SAMMSON: variants seen among roughly 807,000 people sequenced by gnomAD.
SAMMSON encodes survival associated mitochondrial melanoma specific oncogenic non-coding RNA.
At chr3:70,344,220 T>C (rs1313257970) in intron 7 of SAMMSON, among the ~76,000 whole-genome samples, 1 of 151,962 alleles carries the variant, frequency 6.6e-6, no homozygotes, top group Non-Finnish European at 1.5e-5. Context: ...CACCTCCCTA[T>C]CCCATACCTG....
chr3:70,372,987 C>T (rs1702984085), intron 9 of SAMMSON, among the ~76,000 whole-genome samples: 1 of 152,110 alleles, frequency 6.6e-6, no homozygotes, highest in African/African-American at 2.4e-5. Context: ...TTTAAAACTT[C>T]ATTAAACAAT....
intron 7 of SAMMSON, among the ~76,000 whole-genome samples, chr3:70,353,814 A>T (rs1284831154): frequency 6.6e-6 from 1 of 152,226 alleles, no homozygotes; most frequent in Non-Finnish European, 1.5e-5. Flanking sequence ...AACTGAAGAC[A>T]ACTCAGATGT....
At chr3:70,055,335 G>T (rs186482658) in intron 3 of SAMMSON, among the ~76,000 whole-genome samples, 4 of 152,254 alleles carry the variant, frequency 2.6e-5, no homozygotes, top group Admixed American at 1.3e-4. Flanking sequence ...TACTAGAGTT[G>T]TCTCTGATCC....
intron 2 of SAMMSON, among the ~76,000 whole-genome samples, chr3:70,399,923 T>TGGGCAAATACTGAA (rs1701125807): frequency 3.1e-4 from 47 of 151,784 alleles, no homozygotes; most frequent in African/African-American, 1.1e-3. Context: ...CAAAAATACT[T>TGGGCAAATACTGAA]TTGTGTATAT....
intron 4 of SAMMSON, among the ~76,000 whole-genome samples, chr3:70,191,301 A>G (rs1332260309): frequency 6.6e-6 from 1 of 152,182 alleles, no homozygotes; most frequent in Admixed American, 6.5e-5. Flanking sequence ...ATAGCTTTTG[A>G]GATAAAAGGT....
chr3:70,275,408 G>C (rs1208480643), intron 6 of SAMMSON, among the ~76,000 whole-genome samples: 1 of 152,140 alleles, frequency 6.6e-6, no homozygotes, highest in Non-Finnish European at 1.5e-5. Context: ...CCAGCTACTA[G>C]GGAGGCTGAG....
At chr3:70,318,910 C>T (rs1702515794) in intron 7 of SAMMSON, among the ~76,000 whole-genome samples, 1 of 151,904 alleles carries the variant, frequency 6.6e-6, no homozygotes, top group Non-Finnish European at 1.5e-5. Flanking sequence ...GTAATTGTGT[C>T]CAAGGCATGT....
At chr3:70,344,654 C>T (rs1028243206) in intron 7 of SAMMSON, among the ~76,000 whole-genome samples, 49 of 152,184 alleles carry the variant, frequency 3.2e-4, no homozygotes, top group African/African-American at 1.2e-3. Context: ...TCACAGACAC[C>T]CACCTCTGGA....
chr3:70,395,904 G>C (rs1302394143), intron 2 of SAMMSON, among the ~76,000 whole-genome samples: 1 of 152,132 alleles, frequency 6.6e-6, no homozygotes, highest in Non-Finnish European at 1.5e-5. Context: ...ACCTGGGTCT[G>C]AACCTCAGCT....
intron 7 of SAMMSON, among the ~76,000 whole-genome samples, chr3:70,298,204 T>C (rs997985061): frequency 1.3e-5 from 2 of 152,176 alleles, no homozygotes; most frequent in African/African-American, 4.8e-5. Context: ...TTATTAGCCA[T>C]GCAAAAATAT....
rs561081432 is a variant in SAMMSON at position 70,058,470 on chromosome 3, A to G, written n.418-13006A>G. Among the ~76,000 whole-genome samples, 26 of 152,144 alleles carry G rather than the reference A, an allele frequency of 1.7e-4. No individual in the cohort carries two copies. The South Asian group carries it at 5.2e-3, about 30-fold the overall frequency. ...AAAGGGGTTTCATGAAGCTATGGGG[A>G]AAATTTCAGGTTTATATACTTTGAA... On this transcript the variant is annotated intron_variant and non_coding_transcript_variant, in intron 3 of 9. Coordinates refer to ENST00000642114, the Ensembl canonical transcript of SAMMSON.
chr3:70,187,227 T>A (rs892457042), intron 4 of SAMMSON, among the ~76,000 whole-genome samples: 2 of 152,174 alleles, frequency 1.3e-5, no homozygotes, highest in Non-Finnish European at 2.9e-5. Flanking sequence ...GGTGCCAATT[T>A]CATTAAAGGG....
intron 4 of SAMMSON, among the ~76,000 whole-genome samples, chr3:70,191,577 G>T (rs562593120): frequency 2.0e-5 from 3 of 152,150 alleles, no homozygotes; most frequent in Admixed American, 6.5e-5. Context: ...TACTTATTGG[G>T]TACGTATCTT....
At chr3:70,033,039 A>C (rs2067071610) in intron 3 of SAMMSON, among the ~76,000 whole-genome samples, 1 of 152,114 alleles carries the variant, frequency 6.6e-6, no homozygotes, top group African/African-American at 2.4e-5. Context: ...TGAGGCATCA[A>C]GATCTGGAAG....
At chr3:70,013,267 T>G (rs1210511178) in intron 2 of SAMMSON, among the ~76,000 whole-genome samples, 1 of 152,140 alleles carries the variant, frequency 6.6e-6, no homozygotes, top group African/African-American at 2.4e-5. Flanking sequence ...TTTTAAAGCC[T>G]GAATGAGTTT....
At chr3:70,163,979 T>C (rs1292578151) in intron 4 of SAMMSON, among the ~76,000 whole-genome samples, 1 of 152,066 alleles carries the variant, frequency 6.6e-6, no homozygotes, top group Non-Finnish European at 1.5e-5. Flanking sequence ...TGAACCCTAT[T>C]TTTAAGGGCA....
intron 9 of SAMMSON, among the ~76,000 whole-genome samples, chr3:70,380,529 T>C (rs1255876389): frequency 2.6e-5 from 4 of 152,192 alleles, no homozygotes; most frequent in African/African-American, 9.7e-5. Flanking sequence ...ACCATTATTT[T>C]CTTTTTTTTC....
At chr3:70,252,904 A>C (rs796202180) in intron 6 of SAMMSON, among the ~76,000 whole-genome samples, 28 of 151,952 alleles carry the variant, frequency 1.8e-4, no homozygotes, top group African/African-American at 6.5e-4. Context: ...ACATCGTGAA[A>C]CCCCCTCTCT....
At chr3:70,414,687 G>A (rs868452087) in intron 2 of SAMMSON, among the ~76,000 whole-genome samples, 124 of 152,238 alleles carry the variant, frequency 8.1e-4, no homozygotes, top group African/African-American at 2.8e-3. Flanking sequence ...GTTAGATCAC[G>A]TAATCTTTCT....
Sources: allele counts gnomAD v4.1 joint callset (sites outside exome capture counted in the v4.1 genomes callset), GRCh38; gene constraint gnomAD v4.1.1; transcripts MANE v1.5; gene names NCBI Gene and HGNC (gene_info 2026-07-23, HGNC 2026-07-21).